Variants in GGT1 observed in about 807,000 individuals in gnomAD.
GGT1 encodes gamma-glutamyltransferase 1.
GGT1 carries 21 observed loss-of-function variants against 56.0 expected under a neutral mutation model. The ratio of observed to expected loss-of-function variants is 0.38; its 90% confidence interval spans 0.27 to 0.54. The LOEUF (loss-of-function observed/expected upper bound fraction) is 0.54. GGT1 is among the 20% of genes least tolerant of loss of function. The pLI is 0.82. For missense variants in GGT1, 466 were observed against 787.0 expected, an observed-to-expected ratio of 0.59 and a Z score of 4.88; for synonymous variants, 238 against 342.6, an observed-to-expected ratio of 0.69 and a Z score of 3.37.
At chr22:24,587,217 A>G in the GGT1 span, among the ~76,000 whole-genome samples, 7 of 152,204 alleles carry the variant, frequency 4.6e-5, no homozygotes, top group African/African-American at 1.7e-4. Flanking sequence ...CACCGGGGAT[A>G]GAGAGGGACA....
Position 24,621,201 on chromosome 22 carries a change from C to A in GGT1, c.733+131C>A. 3 of 1,464,652 alleles carry A rather than the reference C, an allele frequency of 2.0e-6. 1 individual carries two copies. Among genetic ancestry groups the A allele is most frequent in the South Asian group, 2.9e-5 (2 of 70,156 alleles). The allele number at this position is 1,464,652 out of a possible 1,614,324, so 90.7% of individuals were successfully genotyped here. On this transcript the variant is annotated intron_variant, in intron 9 of 15. Transcript: ENST00000400382. ...GTTCCTGGTGGAGGAGGGTCAGTGA[C>A]TGGCCATGTGGGTCCACAGCTCCTG...
In GGT1 at chr22:24,621,008, G is replaced by A. The variant is rs1323718548; in HGVS notation, c.671G>A (p.Gly224Asp). 1.9e-6 allele frequency: 3 copies of A among 1,610,880 alleles called. No individual in the cohort carries two copies. The highest frequency in any genetic ancestry group is 1.7e-5 in the Admixed American group (1 of 59,878). Residue 224 changes from glycine (G) to aspartate (D), a missense_variant, in exon 9 of 16, where the codon GGT becomes GAT. By Grantham distance (94) the Gly-to-Asp change is moderately conservative. Transcript: ENST00000400382. The stretch of plus-strand genomic sequence containing the variant: ...ACCTACGAGACGCTGGCCATCGAGG[G>A]TGCCCAGGCCTTCTACAACGGCAGC... ...ADTYETLAIE[G>D]AQAFYNGSLT...
At chr22:24,590,042 C>T (rs886215009), upstream of GGT1, 2 of 1,383,222 alleles carry the variant, frequency 1.4e-6, no homozygotes, top group Non-Finnish European at 9.6e-7. Context: ...ATGCCCGTTC[C>T]TGTCTCTCCA....
At chr22:24,626,898 CA>C (rs2047819490) in intron 11 of GGT1, among the ~76,000 whole-genome samples, 3 of 149,936 alleles carry the variant, frequency 2.0e-5, no homozygotes, top group Admixed American at 1.3e-4. Context: ...TATCACTCAC[CA>C]GCCTATACCA....
chr22:24,594,630 C>T (rs1300339742), upstream of GGT1, among the ~76,000 whole-genome samples: 1 of 152,024 alleles, frequency 6.6e-6, no homozygotes, highest in Non-Finnish European at 1.5e-5. Context: ...GTGCTTGCAC[C>T]CCCTTCTCCC....
At chr22:24,587,638 T>C in the GGT1 span, among the ~76,000 whole-genome samples, 1 of 152,022 alleles carries the variant, frequency 6.6e-6, no homozygotes, top group Non-Finnish European at 1.5e-5. Context: ...GCTCCATGGA[T>C]GGAGTCACTC....
Position 24,615,054 on chromosome 22 carries a change from C to T in GGT1, c.309C>T (p.Val103=), listed in dbSNP as rs372973594. 11 of 1,612,042 alleles carry T rather than the reference C, an allele frequency of 6.8e-6. No individual in the cohort carries two copies. The highest frequency in any genetic ancestry group is 1.1e-5 in the South Asian group (1 of 91,000). The stretch of plus-strand genomic sequence containing the variant: ...TTCTCCTTCTAGGAAAAGCTGAGGT[C>T]ATCAACGCCCGCGAGGTGGCCCCCA... ...IYNSTTRKAE[V]INAREVAPRL... is the part of the protein sequence containing the mutation. The change falls in exon 7 of 16, where the codon GTC becomes GTT. Residue 103 remains valine, a synonymous_variant. Coordinates refer to ENST00000400382, the MANE Select transcript of GGT1 (RefSeq NM_001288833.2).
chr22:24,586,162 A>C, the GGT1 span: 1 of 1,613,582 alleles, frequency 6.2e-7, no homozygotes, highest in Non-Finnish European at 8.5e-7. Flanking sequence ...GCTTGCGGGC[A>C]GTGGCCCGCG....
chr22:24,602,543 G>C (rs2045800768), upstream of GGT1, among the ~76,000 whole-genome samples: 1 of 152,200 alleles, frequency 6.6e-6, no homozygotes. Flanking sequence ...TCATTGAATG[G>C]GGCAGAGCAG....
At chr22:24,585,354 C>T in the GGT1 span, among the ~76,000 whole-genome samples, 3 of 152,104 alleles carry the variant, frequency 2.0e-5, no homozygotes, top group African/African-American at 4.8e-5. Flanking sequence ...CTGGGGCTCC[C>T]GACCCGCTCC....
At chr22:24,601,325 A>C (rs2045778656), upstream of GGT1, among the ~76,000 whole-genome samples, 2 of 152,138 alleles carry the variant, frequency 1.3e-5, no homozygotes, top group African/African-American at 4.8e-5. Flanking sequence ...TCAGGGCATG[A>C]GGCTTTCTGG....
At chr22:24,585,817 C>T in the GGT1 span, 1 of 1,416,676 alleles carries the variant, frequency 7.1e-7, no homozygotes, top group Non-Finnish European at 9.4e-7. Context: ...CCTCCTTGAC[C>T]TTCATCGCCC....
In GGT1 at chr22:24,604,546, T is replaced by C. The variant is rs558520384; in HGVS notation, c.-429+1019T>C. Among the ~76,000 whole-genome samples, 6 of 152,254 alleles carry C rather than the reference T, an allele frequency of 3.9e-5. No individual in the cohort carries two copies. In the East Asian group the frequency reaches 1.2e-3, roughly 29 times the overall value. On this transcript the variant is annotated intron_variant, in intron 1 of 15. Coordinates refer to ENST00000400382, the MANE Select transcript of GGT1 (RefSeq NM_001288833.2). ...TGGGTGATACTGACACCAGAGTCTG[T>C]GTCTCTGGGTGAGTGAGGCTTGCAC...
chr22:24,614,348 CAAAAAAAAAAAAAAAAAA>C (rs534749815), intron 5 of GGT1, among the ~76,000 whole-genome samples: 1 of 10,734 alleles, frequency 9.3e-5, no homozygotes, highest in Non-Finnish European at 2.4e-4. Flanking sequence ...GACTTTGTCT[CAAAAAAAAAAAAAAAAAA>C]AAAAAAAAAA....
In GGT1 at chr22:24,605,813, T is replaced by C. The variant is rs1208254842; in HGVS notation, c.-428-2141T>C. Among the ~76,000 whole-genome samples, 3 of 73,522 alleles carry C rather than the reference T, an allele frequency of 4.1e-5. 1 individual carries two copies. Among genetic ancestry groups the C allele is most frequent in the Non-Finnish European group, 6.4e-5 (3 of 47,222 alleles). 48.2% of individuals were successfully genotyped at this position (73,522 alleles called of 152,430 possible). On this transcript the variant is annotated intron_variant, in intron 1 of 15. Coordinates refer to ENST00000400382, the MANE Select transcript of GGT1 (RefSeq NM_001288833.2). ...TATATAATATATGATGTGTATTATATATTATATATTATATGATGTGTATTA... is the reference window on the plus strand; with the variant it reads ...TATATAATATATGATGTGTATTATACATTATATATTATATGATGTGTATTA...
At chr22:24,603,941 A>G (rs2045866473) in intron 1 of GGT1, among the ~76,000 whole-genome samples, 1 of 151,480 alleles carries the variant, frequency 6.6e-6, no homozygotes, top group Non-Finnish European at 1.5e-5. Flanking sequence ...CCTCTCAGCT[A>G]TATATATAGG....
chr22:24,591,475 T>C (rs2045565579), upstream of GGT1, among the ~76,000 whole-genome samples: 1 of 151,930 alleles, frequency 6.6e-6, no homozygotes, highest in African/African-American at 2.4e-5. Flanking sequence ...AATCCATAGG[T>C]GATATGCTCT....
intron 5 of GGT1, among the ~76,000 whole-genome samples, chr22:24,614,399 TGAG>T (rs1486689517): frequency 4.2e-5 from 5 of 119,676 alleles, no homozygotes; most frequent in Non-Finnish European, 5.0e-5. Context: ...AGGCGGATCA[TGAG>T]GTCAAGAGAT....
chr22:24,587,311 A>G, the GGT1 span, among the ~76,000 whole-genome samples: 1 of 152,148 alleles, frequency 6.6e-6, no homozygotes, highest in Non-Finnish European at 1.5e-5. Context: ...TTTCTCAGTT[A>G]GAAGGGAAGT....
Sources: allele counts gnomAD v4.1 joint callset (sites outside exome capture counted in the v4.1 genomes callset), GRCh38; gene constraint gnomAD v4.1.1; transcripts MANE v1.5; gene names NCBI Gene and HGNC (gene_info 2026-07-23, HGNC 2026-07-21).